The following PDE10A variants were observed in gnomAD, a reference collection of about 807,000 sequenced individuals.
PDE10A encodes the protein cAMP and cAMP-inhibited cGMP 3',5'-cyclic phosphodiesterase 10A.
PDE10A carries 39 observed loss-of-function variants against 97.7 expected under a neutral mutation model. That is an observed-to-expected ratio of 0.40 (90% CI 0.31 to 0.52). PDE10A has a LOEUF of 0.52. Ranked by LOEUF, PDE10A falls within the 20% of genes least tolerant of loss-of-function variation. PDE10A has a pLI of 0.56. For missense variants in PDE10A, 731 were observed against 1,047.8 expected, an observed-to-expected ratio of 0.70 and a Z score of 4.17; for synonymous variants, 371 against 376.8, an observed-to-expected ratio of 0.98 and a Z score of 0.18.
intron 1 of PDE10A, among the ~76,000 whole-genome samples, chr6:165,707,815 G>A (rs777999581): frequency 1.3e-5 from 2 of 152,058 alleles, no homozygotes; most frequent in African/African-American, 2.4e-5. Flanking sequence ...GCAGCTTCCT[G>A]GGTGCTCTTT....
At chr6:165,589,407 A>G (rs180866337) in intron 1 of PDE10A, among the ~76,000 whole-genome samples, 33 of 152,368 alleles carry the variant, frequency 2.2e-4, no homozygotes, top group African/African-American at 7.5e-4. Context: ...TTTAAAATGC[A>G]TTGGTTAAAA....
chr6:165,738,321 G>A (rs1291178284), intron 1 of PDE10A, among the ~76,000 whole-genome samples: 6 of 151,662 alleles, frequency 4.0e-5, no homozygotes, highest in East Asian at 1.9e-4. Flanking sequence ...TTTCATCCAC[G>A]TCCCTACAAA....
At chr6:165,752,152 A>T (rs1297901520) in intron 1 of PDE10A, among the ~76,000 whole-genome samples, 3 of 148,092 alleles carry the variant, frequency 2.0e-5, no homozygotes, top group Non-Finnish European at 4.5e-5. Context: ...AAAAAAAAAA[A>T]AAGTGGGTAA....
At chr6:165,588,642 G>A (rs1210746892) in intron 1 of PDE10A, among the ~76,000 whole-genome samples, 4 of 152,034 alleles carry the variant, frequency 2.6e-5, no homozygotes, top group Non-Finnish European at 5.9e-5. Flanking sequence ...AGTACTTTCA[G>A]ATATATTCCA....
chr6:165,469,438 G>A (rs1023412584), intron 3 of PDE10A, among the ~76,000 whole-genome samples: 8 of 152,186 alleles, frequency 5.3e-5, no homozygotes, highest in Non-Finnish European at 5.9e-5. Context: ...AGTTCATAAG[G>A]AGCAGCAAAG....
chr6:165,687,841 ACATTTAATCTTCAAAC>A (rs1791163755), intron 1 of PDE10A, among the ~76,000 whole-genome samples: 1 of 152,166 alleles, frequency 6.6e-6, no homozygotes, highest in Admixed American at 6.5e-5. Context: ...AAACTTTCGC[ACATTTAATCTTCAAAC>A]AGCCTGGTGA....
At chr6:165,452,952 T>C (rs1302177239) in intron 3 of PDE10A, among the ~76,000 whole-genome samples, 4 of 151,548 alleles carry the variant, frequency 2.6e-5, no homozygotes, top group African/African-American at 7.3e-5. Flanking sequence ...AGGAATTACT[T>C]AAGTGGTCAC....
chr6:165,376,455 G>A (rs983850444), intron 18 of PDE10A, among the ~76,000 whole-genome samples: 2 of 152,230 alleles, frequency 1.3e-5, no homozygotes, highest in African/African-American at 4.8e-5. Flanking sequence ...CCATAAACTT[G>A]TTTGACAAAG....
intron 3 of PDE10A, among the ~76,000 whole-genome samples, chr6:165,452,549 T>C (rs1343626601): frequency 6.6e-6 from 1 of 152,200 alleles, no homozygotes; most frequent in Non-Finnish European, 1.5e-5. Flanking sequence ...CTCTCTCTTG[T>C]ACATTCTCTC....
intron 1 of PDE10A, among the ~76,000 whole-genome samples, chr6:165,589,973 A>C (rs1392629287): frequency 6.6e-6 from 1 of 152,238 alleles, no homozygotes. Context: ...CAAACTGTTA[A>C]GTTTAAATAT....
rs1790266616 is a variant in PDE10A at position 165,439,334 on chromosome 6, A to G, written c.1195-3957T>C. Reference sequence around the variant, plus strand: ...GTATAAATATATAAAAACTTTAATTAGGACAAGCATCTTTTAGAGGCTAGA... The same window carrying G: ...GTATAAATATATAAAAACTTTAATTGGGACAAGCATCTTTTAGAGGCTAGA... On this transcript the variant is annotated intron_variant, in intron 5 of 21. Transcript: ENST00000539869. Among the ~76,000 whole-genome samples, 4 of 152,350 alleles carry G rather than the reference A, an allele frequency of 2.6e-5. No individual in the cohort carries two copies. In the South Asian group the frequency reaches 8.3e-4, roughly 32 times the overall value.
At chr6:165,939,847 A>G (rs931071810) in intron 1 of PDE10A, 1 of 152,234 alleles carries the variant, frequency 6.6e-6, no homozygotes, top group African/African-American at 2.4e-5. Flanking sequence ...GGCTGCTCAC[A>G]GGAGCCTCCC....
chr6:165,647,756 C>G (rs930990946), intron 1 of PDE10A, among the ~76,000 whole-genome samples: 1 of 152,180 alleles, frequency 6.6e-6, no homozygotes, highest in Non-Finnish European at 1.5e-5. Flanking sequence ...CCCCTTTGGA[C>G]GTCACTTGCA....
chr6:165,566,607 T>C lies in PDE10A; in HGVS notation c.866-23039A>G, dbSNP rs377251129. ...AACTCAATTACACTGCGGAACATGA[T>C]ACCAAGGAGAAGATTCTGGAGATAA... On this transcript the variant is annotated intron_variant, in intron 1 of 21. Transcript: ENST00000539869. Among the ~76,000 whole-genome samples, 4 of 152,222 alleles carry C rather than the reference T, an allele frequency of 2.6e-5. No homozygotes were observed. The South Asian group carries it at 8.3e-4, about 32-fold the overall frequency.
chr6:165,831,963 G>T (rs897934471), intron 1 of PDE10A, among the ~76,000 whole-genome samples: 1 of 151,324 alleles, frequency 6.6e-6, no homozygotes, highest in Non-Finnish European at 1.5e-5. Context: ...TTTACTTAAA[G>T]ACAAATGCAA....
chr6:165,983,868 AC>A (rs757010897), intron 1 of PDE10A, among the ~76,000 whole-genome samples: 26 of 152,336 alleles, frequency 1.7e-4, no homozygotes, highest in South Asian at 1.0e-3. Context: ...AACAGCTGTC[AC>A]TCAAACACTG....
intron 1 of PDE10A, among the ~76,000 whole-genome samples, chr6:165,866,351 G>A (rs1393368504): frequency 7.2e-6 from 1 of 139,196 alleles, no homozygotes; most frequent in South Asian, 2.4e-4. Context: ...CTTAGTGCAC[G>A]TGTTGGTGTT....
Position 165,610,272 on chromosome 6 carries a change from G to A in PDE10A, c.865+51675C>T, listed in dbSNP as rs370282765. ...AAGAAATGGGGAAACGGCCAGGCCC[G>A]GTGGCTCACGCCTGTAATCCCAGCA... On this transcript the variant is annotated intron_variant, in intron 1 of 21. Transcript: ENST00000539869. Among the ~76,000 whole-genome samples the A allele has an allele frequency of 1.2e-4, 18 of 152,268 alleles. No individual in the cohort carries two copies. In the East Asian group the frequency reaches 1.5e-3, roughly 13 times the overall value.
At chr6:165,401,806 A>C (rs907901349) in intron 13 of PDE10A, among the ~76,000 whole-genome samples, 1 of 152,208 alleles carries the variant, frequency 6.6e-6, no homozygotes, top group Non-Finnish European at 1.5e-5. Flanking sequence ...ATGTATTAAC[A>C]ATCAATAAAA....
Sources: allele counts gnomAD v4.1 joint callset (sites outside exome capture counted in the v4.1 genomes callset), GRCh38; gene constraint gnomAD v4.1.1; transcripts MANE v1.5; gene names NCBI Gene and HGNC (gene_info 2026-07-23, HGNC 2026-07-21).